Variants in DMD observed in about 807,000 individuals in gnomAD.
DMD encodes the protein mutant dystrophin.
In DMD, 63 loss-of-function variants were observed where a neutral mutation model predicts 330.1. The ratio of observed to expected loss-of-function variants is 0.19; its 90% CI spans 0.16 to 0.24. The LOEUF (loss-of-function observed/expected upper bound fraction) is 0.24. DMD is among the 10% of genes least tolerant of loss of function. The pLI, the probability that DMD is intolerant of heterozygous loss-of-function variation, is 1.00. For synonymous variants in DMD, 1,223 were observed against 959.8 expected (o/e 1.27, Z -5.07); for missense variants, 3,344 against 2,684.1 (o/e 1.25, Z -5.43).
At chrX:31,370,669 T>C (rs1296025575) in intron 60 of DMD, among the ~76,000 whole-genome samples, 1 of 112,241 alleles carries the variant, frequency 8.9e-6, no homozygotes, top group African/African-American at 3.2e-5. Context: ...GACCTAACAA[T>C]TGCACTCTTC....
At chrX:32,755,698 A>G (rs923898472) in intron 7 of DMD, among the ~76,000 whole-genome samples, 2 of 112,504 alleles carry the variant, frequency 1.8e-5, no homozygotes, top group African/African-American at 6.4e-5. Flanking sequence ...GTTTGAATTT[A>G]ATAACATGTT....
intron 15 of DMD, among the ~76,000 whole-genome samples, chrX:32,569,259 C>A (rs1270885701): frequency 8.9e-6 from 1 of 111,775 alleles, no homozygotes; most frequent in Admixed American, 9.5e-5. Context: ...GAAACCTTCA[C>A]CTCACTCTCA....
At chrX:31,188,188 T>C (rs1326070993) in intron 67 of DMD, among the ~76,000 whole-genome samples, 2 of 111,918 alleles carry the variant, frequency 1.8e-5, no homozygotes, top group East Asian at 2.8e-4. Context: ...CTCATTCTGT[T>C]TCAATCTTTC....
At chrX:31,765,680 C>T (rs759219276) in intron 51 of DMD, among the ~76,000 whole-genome samples, 19 of 111,448 alleles carry the variant, frequency 1.7e-4, no homozygotes, top group Non-Finnish European at 2.8e-4. Flanking sequence ...ACATAAGTAA[C>T]CATATACATA....
chrX:32,423,918 C>G (rs1353464566), intron 29 of DMD, among the ~76,000 whole-genome samples: 1 of 110,480 alleles, frequency 9.1e-6, no homozygotes, highest in Non-Finnish European at 1.9e-5. Context: ...TCTCAAATAA[C>G]AAAAGAAGAT....
intron 5 of DMD, among the ~76,000 whole-genome samples, chrX:32,822,332 T>C (rs964303359): frequency 3.6e-5 from 4 of 110,767 alleles, no homozygotes; most frequent in African/African-American, 6.6e-5. Context: ...GCCACTAAGA[T>C]GGTAACCGTG....
chrX:32,443,527 G>A (rs2098291088), intron 27 of DMD, among the ~76,000 whole-genome samples: 1 of 110,773 alleles, frequency 9.0e-6, no homozygotes, highest in Admixed American at 9.7e-5. Flanking sequence ...GTACCTTAGA[G>A]CTTTGAAGAC....
intron 50 of DMD, among the ~76,000 whole-genome samples, chrX:31,787,910 C>T (rs6628643): frequency 0.26 from 29,132 of 110,959 alleles, 2,742 homozygotes; most frequent in East Asian, 0.44. Flanking sequence ...GTAACACTTA[C>T]GTAGGAAAAA....
chrX:32,268,367 C>T (rs1484017925), intron 43 of DMD, among the ~76,000 whole-genome samples: 1 of 111,743 alleles, frequency 8.9e-6, no homozygotes, highest in South Asian at 3.8e-4. Context: ...ACACCCTGAG[C>T]GGCCCTTTAA....
At chrX:32,494,907 C>T (rs188035379) in intron 19 of DMD, among the ~76,000 whole-genome samples, 119 of 110,969 alleles carry the variant, frequency 1.1e-3, no homozygotes, top group Admixed American at 4.4e-3. Context: ...ACCAGGAGTT[C>T]GAGGCTGCAC....
chrX:32,690,281 A>G (rs764870154), intron 9 of DMD, among the ~76,000 whole-genome samples: 1 of 111,354 alleles, frequency 9.0e-6, no homozygotes, highest in African/African-American at 3.3e-5. Context: ...CACCAAAAAG[A>G]AAACAGTAAT....
At chrX:32,558,976 A>C (rs775656074) in intron 16 of DMD, among the ~76,000 whole-genome samples, 1 of 67,885 alleles carries the variant, frequency 1.5e-5, no homozygotes, top group Non-Finnish European at 2.3e-5. Flanking sequence ...TTTGAGACGA[A>C]GTCTCGCTCT....
At chrX:31,461,348 G>A (rs1357557476) in intron 59 of DMD, among the ~76,000 whole-genome samples, 1 of 111,569 alleles carries the variant, frequency 9.0e-6, no homozygotes, top group African/African-American at 3.3e-5. Flanking sequence ...AACAAGTTGG[G>A]ACTTCTTAGC....
chrX:31,704,458 T>C (rs759776196), intron 52 of DMD, among the ~76,000 whole-genome samples: 2 of 111,758 alleles, frequency 1.8e-5, no homozygotes, highest in South Asian at 3.7e-4. Context: ...AGAATTCCCA[T>C]AGTAAAAGGA....
chrX:31,202,107 A>C (rs943286622), intron 67 of DMD, among the ~76,000 whole-genome samples: 10 of 111,173 alleles, frequency 9.0e-5, no homozygotes, highest in African/African-American at 3.3e-4. Context: ...AATTGCTTGA[A>C]CCAGGGAGGC....
chrX:32,521,981 G>A (rs2046469937), intron 17 of DMD, among the ~76,000 whole-genome samples: 1 of 111,675 alleles, frequency 9.0e-6, no homozygotes, highest in Non-Finnish European at 1.9e-5. Context: ...AGAGCACCAA[G>A]TATGAACCAG....
chrX:31,288,657 G>A (rs1027603255), intron 62 of DMD, among the ~76,000 whole-genome samples: 2 of 111,629 alleles, frequency 1.8e-5, no homozygotes, highest in Non-Finnish European at 3.8e-5. Flanking sequence ...TGAATAATGT[G>A]GTCAGTTCTC....
chrX:31,483,298 G>A (rs538888454), intron 57 of DMD, among the ~76,000 whole-genome samples: 6 of 110,236 alleles, frequency 5.4e-5, no homozygotes, highest in South Asian at 7.7e-4. Flanking sequence ...TGCCCGCCTT[G>A]GCCTCCCAAA....
intron 51 of DMD, among the ~76,000 whole-genome samples, chrX:31,734,735 T>C (rs1359080419): frequency 9.0e-6 from 1 of 110,541 alleles, no homozygotes; most frequent in Non-Finnish European, 1.9e-5. Flanking sequence ...TGACAGGCAA[T>C]AAAAAAGCAA....
Sources: allele counts gnomAD v4.1 joint callset (sites outside exome capture counted in the v4.1 genomes callset), GRCh38; gene constraint gnomAD v4.1.1; transcripts MANE v1.5; gene names NCBI Gene and HGNC (gene_info 2026-07-23, HGNC 2026-07-21).